Variants in PARD3 observed in about 807,000 individuals in gnomAD.
PARD3 encodes the protein par-3 family cell polarity regulator, also known as partitioning defective 3 homolog.
A neutral mutation model predicts 155.4 loss-of-function variants in PARD3; 75 were observed. The observed-to-expected ratio is 0.48, with a 90% CI of 0.40 to 0.58. PARD3 has a LOEUF of 0.58. PARD3 is among the 20% of genes least tolerant of loss of function. The pLI is 0.00. For missense variants in PARD3, 1,642 were observed against 1,721.7 expected, an observed-to-expected ratio of 0.95 and a Z score of 0.82; for synonymous variants, 576 against 610.5, an observed-to-expected ratio of 0.94 and a Z score of 0.83.
At chr10:34,223,234 G>A (rs1952407287) in intron 22 of PARD3, among the ~76,000 whole-genome samples, 1 of 152,094 alleles carries the variant, frequency 6.6e-6, no homozygotes, top group African/African-American at 2.4e-5. Flanking sequence ...TGTTACACAA[G>A]ACAACTGGCC....
intron 13 of PARD3, among the ~76,000 whole-genome samples, 179 bp from the exon 14 acceptor site, chr10:34,359,496 T>C (rs1489204430): frequency 2.6e-5 from 4 of 152,194 alleles, no homozygotes; most frequent in African/African-American, 9.6e-5. Context: ...GCAGCTATTG[T>C]AGCCTGTGTC....
chr10:34,720,050 G>A (rs974971808), intron 1 of PARD3, among the ~76,000 whole-genome samples: 1 of 152,214 alleles, frequency 6.6e-6, no homozygotes, highest in African/African-American at 2.4e-5. Context: ...TGAAATTTCA[G>A]CTTATGGTGC....
At chr10:34,356,546 T>G (rs992226782) in intron 14 of PARD3, among the ~76,000 whole-genome samples, 6 of 152,238 alleles carry the variant, frequency 3.9e-5, no homozygotes, top group Admixed American at 2.0e-4. Flanking sequence ...TACAGTTTTC[T>G]GATTGGCAAA....
intron 2 of PARD3, among the ~76,000 whole-genome samples, chr10:34,690,225 C>A (rs966198307): frequency 6.6e-6 from 1 of 152,114 alleles, no homozygotes; most frequent in Admixed American, 6.6e-5. Flanking sequence ...ATTACAGGTA[C>A]GAGCCAGCAT....
chr10:34,701,333 A>ATGTTGTTGTTGTTGTTGTTGTTGT (rs34806804), intron 1 of PARD3, among the ~76,000 whole-genome samples: 2 of 149,862 alleles, frequency 1.3e-5, no homozygotes, highest in African/African-American at 2.5e-5. Context: ...ACACGCGGGG[A>ATGTTGTTGTTGTTGTTGTTGTTGT]TGTTGTTGTT....
In PARD3 at chr10:34,281,688, G is replaced by T. The variant is rs185359258; in HGVS notation, c.3176+2447C>A. 1.8e-3 allele frequency among the ~76,000 whole-genome samples: 280 copies of T among 152,080 alleles called. 3 individuals carry two copies. The highest frequency in any genetic ancestry group is 9.7e-3 in the Admixed American group (148 of 15,278). ...CATCTAAATAGATCTTAACATTGAAGAAAAAACATTTAAAATTATATTCAT... is the reference window on the plus strand; with the variant it reads ...CATCTAAATAGATCTTAACATTGAATAAAAAACATTTAAAATTATATTCAT... On this transcript the variant is annotated intron_variant, in intron 21 of 24. Coordinates refer to ENST00000374788, the MANE Select transcript of PARD3 (RefSeq NM_001184785.2).
At chr10:34,503,527 T>C (rs918953110) in intron 3 of PARD3, among the ~76,000 whole-genome samples, 6 of 152,216 alleles carry the variant, frequency 3.9e-5, no homozygotes, top group African/African-American at 1.4e-4. Context: ...TGTGCCTACG[T>C]ATATATGTAT....
At chr10:34,203,043 A>G (rs1255351981) in intron 22 of PARD3, among the ~76,000 whole-genome samples, 1 of 151,094 alleles carries the variant, frequency 6.6e-6, no homozygotes, top group Non-Finnish European at 1.5e-5. Context: ...TAACACCCCC[A>G]CTCCAGCACC....
At chr10:34,691,170 A>G (rs1487143810) in intron 2 of PARD3, among the ~76,000 whole-genome samples, 1 of 152,198 alleles carries the variant, frequency 6.6e-6, no homozygotes, top group Non-Finnish European at 1.5e-5. Context: ...TTTGCAGATG[A>G]TATGGTTCTA....
At chr10:34,186,829 T>A (rs1950514223) in intron 22 of PARD3, among the ~76,000 whole-genome samples, 1 of 152,114 alleles carries the variant, frequency 6.6e-6, no homozygotes, top group Admixed American at 6.5e-5. Context: ...CCCTCTCCAC[T>A]CCAACCCTTC....
intron 2 of PARD3, among the ~76,000 whole-genome samples, chr10:34,669,677 G>C (rs2093573170): frequency 6.6e-6 from 1 of 151,818 alleles, no homozygotes; most frequent in Admixed American, 6.6e-5. Context: ...GTGATAATTT[G>C]CTTGCAACAA....
rs760086192 is a variant in PARD3, at chr10:34,450,294, C to T, written c.714+23G>A. Reference sequence around the variant, plus strand: ...GACAGGATGTTACAGCAATGACGCACATATAAGGATTTGTCATGTTACCTG... The same window carrying T: ...GACAGGATGTTACAGCAATGACGCATATATAAGGATTTGTCATGTTACCTG... On this transcript the variant is annotated intron_variant, in intron 5 of 24. Transcript: ENST00000374788. 16 of 1,607,470 alleles carry T rather than the reference C, an allele frequency of 1.0e-5. No individual in the cohort carries two copies. In the South Asian group the frequency reaches 1.8e-4, roughly 18 times the overall value.
chr10:34,786,083 G>A (rs952909568), intron 1 of PARD3, among the ~76,000 whole-genome samples: 2 of 152,156 alleles, frequency 1.3e-5, no homozygotes, highest in Admixed American at 6.5e-5. Context: ...AATCAGTGAC[G>A]TAATGTCAAC....
intron 20 of PARD3, among the ~76,000 whole-genome samples, chr10:34,306,877 G>A (rs887498850): frequency 2.0e-5 from 3 of 151,888 alleles, no homozygotes; most frequent in Admixed American, 6.6e-5. Flanking sequence ...ACTATTCACC[G>A]CTGATTCCAA....
chr10:34,479,287 G>A (rs532067903), intron 3 of PARD3, among the ~76,000 whole-genome samples: 5 of 150,292 alleles, frequency 3.3e-5, no homozygotes, highest in African/African-American at 9.8e-5. Flanking sequence ...TCAGCCTCCC[G>A]AGTAGCTGGG....
intron 19 of PARD3, among the ~76,000 whole-genome samples, chr10:34,321,068 C>G (rs1958343566): frequency 6.6e-6 from 1 of 151,878 alleles, no homozygotes; most frequent in Admixed American, 6.6e-5. Flanking sequence ...GTTTCAAAAG[C>G]TCAAATAAAT....
intron 2 of PARD3, among the ~76,000 whole-genome samples, chr10:34,526,750 AG>A (rs1945593679): frequency 6.6e-6 from 1 of 152,196 alleles, no homozygotes; most frequent in African/African-American, 2.4e-5. Flanking sequence ...CAGGGAAAGT[AG>A]GAGTCCCACT....
chr10:34,714,701 T>C (rs1308531439), intron 1 of PARD3, among the ~76,000 whole-genome samples: 2 of 152,156 alleles, frequency 1.3e-5, no homozygotes, highest in Non-Finnish European at 2.9e-5. Flanking sequence ...CTTCAAAAGA[T>C]TTCCATAAGA....
At chr10:34,118,551 G>A (rs1946808991) in intron 24 of PARD3, among the ~76,000 whole-genome samples, 1 of 152,020 alleles carries the variant, frequency 6.6e-6, no homozygotes, top group African/African-American at 2.4e-5. Context: ...TTGCCATGTT[G>A]CCCAGGCTGG....
Sources: gnomAD v4.1 joint callset for allele counts (sites outside exome capture counted in the v4.1 genomes callset) on GRCh38, gnomAD v4.1.1 for gene constraint, MANE v1.5 for transcripts, NCBI Gene and HGNC (gene_info 2026-07-23, HGNC 2026-07-21) for gene names.